The following FAM168A variants were observed in gnomAD, a reference collection of about 807,000 sequenced individuals.
FAM168A encodes family with sequence similarity 168 member A, also known as protein FAM168A.
Under a neutral mutation model 28.5 loss-of-function variants are expected in FAM168A, and 3 were observed. That is an observed-to-expected ratio of 0.11 (90% CI 0.05 to 0.27). The LOEUF (loss-of-function observed/expected upper bound fraction) is 0.27, where lower values mean the gene tolerates loss of function less well. FAM168A is among the 10% of genes least tolerant of loss of function. The pLI is 1.00. For missense variants in FAM168A, 222 were observed against 311.5 expected (o/e 0.71, Z 2.16); for synonymous variants, 122 against 124.2 (o/e 0.98, Z 0.12).
At chr11:73,454,705 C>T (rs1025007655) in intron 2 of FAM168A, among the ~76,000 whole-genome samples, 3 of 152,140 alleles carry the variant, frequency 2.0e-5, no homozygotes, top group South Asian at 4.1e-4. Context: ...AGCTGGTAGA[C>T]GGGACTATGG....
intron 1 of FAM168A, among the ~76,000 whole-genome samples, chr11:73,522,444 C>T (rs1038329583): frequency 3.3e-5 from 5 of 152,082 alleles, no homozygotes; most frequent in Admixed American, 2.0e-4. Flanking sequence ...TCACGCCATT[C>T]TCCTGCCTCA....
At chr11:73,545,140 C>T (rs1943729230) in intron 1 of FAM168A, among the ~76,000 whole-genome samples, 2 of 145,726 alleles carry the variant, frequency 1.4e-5, no homozygotes, top group African/African-American at 5.2e-5. Context: ...ATTCTCTTGC[C>T]TCAGCCTCCT....
intron 1 of FAM168A, among the ~76,000 whole-genome samples, chr11:73,569,178 C>T (rs567516563): frequency 4.6e-5 from 7 of 152,216 alleles, no homozygotes; most frequent in African/African-American, 9.6e-5. Context: ...TGACTAAGAA[C>T]GAAGCAATCA....
At chr11:73,483,428 T>C (rs1294913430) in intron 1 of FAM168A, among the ~76,000 whole-genome samples, 1 of 152,130 alleles carries the variant, frequency 6.6e-6, no homozygotes, top group Non-Finnish European at 1.5e-5. Flanking sequence ...AAAACAGAAA[T>C]ACTACCACTT....
At chr11:73,480,877 G>A (rs1330220548) in intron 1 of FAM168A, among the ~76,000 whole-genome samples, 21 of 152,112 alleles carry the variant, frequency 1.4e-4, no homozygotes, top group Admixed American at 9.8e-4. Context: ...TATCTAAAAC[G>A]GATGTAATTT....
chr11:73,456,241 A>C (rs1485044048), intron 2 of FAM168A, among the ~76,000 whole-genome samples: 2 of 152,228 alleles, frequency 1.3e-5, no homozygotes, highest in Non-Finnish European at 2.9e-5. Flanking sequence ...CAAAACCTTA[A>C]ATAAAATCTC....
intron 1 of FAM168A, among the ~76,000 whole-genome samples, chr11:73,597,597 C>T (rs1944451644): frequency 1.3e-5 from 2 of 152,088 alleles, no homozygotes; most frequent in South Asian, 2.1e-4. Flanking sequence ...CCATCCCACC[C>T]TAGTCTCATC....
At chr11:73,471,806 GAAGA>G (rs1867818051) in intron 1 of FAM168A, among the ~76,000 whole-genome samples, 1 of 152,154 alleles carries the variant, frequency 6.6e-6, no homozygotes, top group South Asian at 2.1e-4. Context: ...TTGGGAGGGG[GAAGA>G]AAGAGAGATT....
At chr11:73,408,166 C>T (rs770417483) in intron 6 of FAM168A, among the ~76,000 whole-genome samples, 7 of 152,150 alleles carry the variant, frequency 4.6e-5, no homozygotes, top group African/African-American at 7.2e-5. Context: ...GCACCACGCC[C>T]GGCCTTCCTT....
intron 4 of FAM168A, among the ~76,000 whole-genome samples, chr11:73,416,432 G>C (rs1473546739): frequency 6.6e-6 from 1 of 152,166 alleles, no homozygotes; most frequent in African/African-American, 2.4e-5. Flanking sequence ...CTCTATGTCT[G>C]AATCTTGCTT....
chr11:73,495,312 G>A (rs1854850309), intron 1 of FAM168A, among the ~76,000 whole-genome samples: 1 of 152,216 alleles, frequency 6.6e-6, no homozygotes, highest in Non-Finnish European at 1.5e-5. Flanking sequence ...CTGGGCGACA[G>A]AGCGAGACTC....
chr11:73,504,570 T>A (rs568336114), intron 1 of FAM168A, among the ~76,000 whole-genome samples: 1 of 152,214 alleles, frequency 6.6e-6, no homozygotes, highest in African/African-American at 2.4e-5. Context: ...GTAAATTAGT[T>A]CAACCATCGT....
intron 1 of FAM168A, among the ~76,000 whole-genome samples, chr11:73,567,113 G>A (rs555237615): frequency 4.6e-5 from 7 of 152,312 alleles, no homozygotes; most frequent in East Asian, 3.9e-4. Context: ...GGAGGCTGCC[G>A]TCCACACAAG....
intron 1 of FAM168A, among the ~76,000 whole-genome samples, chr11:73,530,426 T>G (rs1943502699): frequency 6.6e-6 from 1 of 152,080 alleles, no homozygotes; most frequent in South Asian, 2.1e-4. Context: ...AGCAAGTAGA[T>G]CAGTGTGCAG....
At chr11:73,533,070 G>C (rs1244955693) in intron 1 of FAM168A, among the ~76,000 whole-genome samples, 1 of 152,162 alleles carries the variant, frequency 6.6e-6, no homozygotes, top group East Asian at 1.9e-4. Context: ...AGAGCAGTAA[G>C]GTTCGAATCA....
At chr11:73,522,658 T>G (rs375281626) in intron 1 of FAM168A, among the ~76,000 whole-genome samples, 24 of 151,308 alleles carry the variant, frequency 1.6e-4, no homozygotes, top group African/African-American at 5.8e-4. Context: ...CATTAGGACT[T>G]TTACTGGCTA....
At chr11:73,519,285 G>GA (rs1265194877) in intron 1 of FAM168A, among the ~76,000 whole-genome samples, 4 of 151,516 alleles carry the variant, frequency 2.6e-5, no homozygotes, top group East Asian at 3.9e-4. Context: ...AAGGAACCAT[G>GA]AAAAAAAATG....
intron 1 of FAM168A, among the ~76,000 whole-genome samples, chr11:73,560,109 G>T (rs12293499): frequency 7.9e-4 from 121 of 152,230 alleles, no homozygotes; most frequent in African/African-American, 2.5e-3. Context: ...TGTCTCCCAG[G>T]CTGGAGTGCA....
At chr11:73,561,183 T>C (rs978441417) in intron 1 of FAM168A, among the ~76,000 whole-genome samples, 5 of 152,072 alleles carry the variant, frequency 3.3e-5, no homozygotes, top group East Asian at 3.9e-4. Flanking sequence ...GAGATCAGCC[T>C]GACCAACGTG....
Sources: gnomAD v4.1 joint callset for allele counts (sites outside exome capture counted in the v4.1 genomes callset) on GRCh38, gnomAD v4.1.1 for gene constraint, MANE v1.5 for transcripts, NCBI Gene and HGNC (gene_info 2026-07-23, HGNC 2026-07-21) for gene names.